Variants in IKBIP observed in about 807,000 individuals in gnomAD.
The protein encoded by IKBIP is IKBKB interacting protein.
IKBIP carries 28 observed loss-of-function variants against 31.0 expected under a neutral mutation model. The observed-to-expected ratio is 0.90, with a 90% CI of 0.67 to 1.24. The LOEUF is 1.24. Among genes scored for constraint, IKBIP ranks in the 50% most tolerant of loss-of-function variants. The pLI is 0.00. For missense variants in IKBIP, 453 were observed against 441.9 expected (o/e 1.03, Z -0.23); for synonymous variants, 164 against 160.3 (o/e 1.02, Z -0.17).
rs2097613752 is a variant in IKBIP at position 98,625,912 on chromosome 12, A to C, written c.*18T>G. 1 of 1,379,690 alleles carries C rather than the reference A, an allele frequency of 7.2e-7. No individual in the cohort carries two copies. 85.5% of individuals were successfully genotyped at this position (1,379,690 alleles called of 1,614,324 possible). ...TTTATGTATAATGATATGGTTCATC[A>C]GAATAAATGTCATGAATTTAAAAAT... On this transcript the variant is annotated 3_prime_UTR_variant, in exon 3 of 3. Coordinates refer to ENST00000299157, the MANE Select transcript of IKBIP (RefSeq NM_153687.4).
At chr12:98,641,148 G>A (rs1488605307) in intron 1 of IKBIP, among the ~76,000 whole-genome samples, 1 of 152,122 alleles carries the variant, frequency 6.6e-6, no homozygotes. Context: ...TTTCCACATA[G>A]GAAATGGTCT....
chr12:98,613,506 CATT>C (rs951198506), exon 3 of IKBIP: 7 of 673,066 alleles, frequency 1.0e-5, no homozygotes, highest in African/African-American at 5.6e-5. Context: ...TCCAAAATAT[CATT>C]ATTTTTGATT....
chr12:98,636,254 C>T (rs1293544113), intron 1 of IKBIP, among the ~76,000 whole-genome samples: 1 of 152,196 alleles, frequency 6.6e-6, no homozygotes, highest in African/African-American at 2.4e-5. Context: ...CTGGGTCTCA[C>T]AAAGATTCTG....
At chr12:98,630,955 G>A (rs1316245099) in intron 2 of IKBIP, among the ~76,000 whole-genome samples, 14 of 151,296 alleles carry the variant, frequency 9.3e-5, no homozygotes, top group Non-Finnish European at 1.5e-4. Flanking sequence ...TTTTTGAGAC[G>A]GAGTTTCGCT....
In IKBIP at chr12:98,644,599, T is replaced by C. The variant is rs1290676546; in HGVS notation, c.103A>G (p.Ser35Gly). ...GGGTCTGCCCAGCCCCCGCCTCCGC[T>C]GCTCCGGGCCACGGGGGTCTTCCCG... The part of the protein sequence containing the change: ...EGGKTPVARS[S>G]GGGGWADPRT... The change falls in exon 1 of 3, where the codon AGC becomes GGC. Residue 35 changes from serine to glycine, a missense_variant. Physicochemically the swap from Ser to Gly is moderately conservative, Grantham distance 56. Transcript: ENST00000299157. 3.7e-6 allele frequency: 6 copies of C among 1,609,962 alleles called. No homozygotes were observed. Among genetic ancestry groups the C allele is most frequent in the Non-Finnish European group, 3.4e-6 (4 of 1,178,766 alleles).
intron 2 of IKBIP, 148 bp from the exon 3 acceptor site, chr12:98,626,914 A>T (rs200235920): frequency 7.8e-6 from 2 of 254,984 alleles, no homozygotes; most frequent in Non-Finnish European, 1.4e-5. Flanking sequence ...TCAGACTGAC[A>T]AAGATATTTA....
intron 2 of IKBIP, among the ~76,000 whole-genome samples, chr12:98,629,542 G>A (rs546956393): frequency 6.6e-5 from 10 of 151,978 alleles, no homozygotes; most frequent in Admixed American, 3.9e-4. Context: ...CTTGGTGACC[G>A]GGCAAGACCC....
downstream of IKBIP, among the ~76,000 whole-genome samples, chr12:98,619,544 A>C (rs2097608426): frequency 1.3e-5 from 2 of 152,316 alleles, no homozygotes; most frequent in Non-Finnish European, 2.9e-5. Context: ...TTATTTTAAA[A>C]ATTACTTCGG....
At chr12:98,622,598 T>C (rs1218009744), downstream of IKBIP, among the ~76,000 whole-genome samples, 2 of 151,848 alleles carry the variant, frequency 1.3e-5, no homozygotes, top group Non-Finnish European at 2.9e-5. Flanking sequence ...ACTGTGCAAA[T>C]ATGGGGTAAG....
intron 1 of IKBIP, among the ~76,000 whole-genome samples, chr12:98,634,710 CTT>C (rs552233683): frequency 4.4e-4 from 58 of 131,800 alleles, no homozygotes; most frequent in Admixed American, 9.3e-4. Context: ...GGTCTTTAGC[CTT>C]TTTTTTTTTT....
chr12:98,626,534 G>C lies in IKBIP; in HGVS notation c.530C>G (p.Ala177Gly). The change falls in exon 3 of 3, where the codon GCA becomes GGA. Residue 177 changes from alanine (A) to glycine (G), a missense_variant. Physicochemically the swap from Ala to Gly is moderately conservative, Grantham distance 60 (BLOSUM62 0). Transcript: ENST00000299157. ...NINTDIFKSE[A>G]KHIHSQVTVQ... The stretch of plus-strand genomic sequence containing the variant: ...AGTTACTTGAGAATGTATATGTTTT[G>C]CTTCTGATTTGAAAATGTCTGTATT... 6.2e-7 allele frequency: 1 copy of C among 1,612,882 alleles called. No homozygotes were observed. Among genetic ancestry groups the C allele is most frequent in the Non-Finnish European group, 8.5e-7 (1 of 1,179,494 alleles).
chr12:98,627,681 G>A (rs150843635), intron 2 of IKBIP, among the ~76,000 whole-genome samples: 4,811 of 152,116 alleles, frequency 0.032, 165 homozygotes, highest in East Asian at 0.13. Flanking sequence ...CTCGTGATCC[G>A]CCCACCTCAG....
rs1378657483 is a variant in IKBIP, at chr12:98,625,536, T to C, written c.*394A>G. 6.9e-5 allele frequency: 11 copies of C among 159,912 alleles called. No individual in the cohort carries two copies. Among genetic ancestry groups the C allele is most frequent in the African/African-American group, 2.2e-4 (9 of 41,576 alleles). 9.9% of individuals were successfully genotyped at this position (159,912 alleles called of 1,614,324 possible). A position where few individuals can be genotyped will look rare whatever the true frequency, so the allele number is the denominator to read the frequency against. On this transcript the variant is annotated 3_prime_UTR_variant, in exon 3 of 3. Transcript: ENST00000299157. ...CAGGTGACAGAAAAGGTATGAGACA[T>C]AGGTTTGAAAATGGCAAATTGGGGT...
chr12:98,629,771 C>T (rs1024384056), intron 2 of IKBIP, among the ~76,000 whole-genome samples: 2 of 152,052 alleles, frequency 1.3e-5, no homozygotes, highest in African/African-American at 4.8e-5. Context: ...AGGTAATGTC[C>T]TGTTTAGGAG....
chr12:98,641,168 G>A (rs187351565), intron 1 of IKBIP, among the ~76,000 whole-genome samples: 34 of 152,310 alleles, frequency 2.2e-4, no homozygotes, highest in Middle Eastern at 6.8e-3. Flanking sequence ...TGAAGACAAT[G>A]ATATAGTGTG....
At chr12:98,630,682 T>C (rs1008149085) in intron 2 of IKBIP, among the ~76,000 whole-genome samples, 1 of 152,148 alleles carries the variant, frequency 6.6e-6, no homozygotes, top group African/African-American at 2.4e-5. Context: ...TTACTGTATA[T>C]CTCATCTGAT....
intron 1 of IKBIP, among the ~76,000 whole-genome samples, chr12:98,638,940 C>A (rs1378232592): frequency 6.6e-6 from 1 of 152,220 alleles, no homozygotes; most frequent in African/African-American, 2.4e-5. Context: ...AGCCACCATG[C>A]CTGGCCGAGT....
chr12:98,643,495 A>G (rs12304057), intron 1 of IKBIP, among the ~76,000 whole-genome samples: 3,921 of 152,284 alleles, frequency 0.026, 153 homozygotes, highest in African/African-American at 0.087. Context: ...CCCGCCAGAA[A>G]AAAAAAGGCT....
At chr12:98,639,041 C>G (rs1213211673) in intron 1 of IKBIP, among the ~76,000 whole-genome samples, 1 of 151,900 alleles carries the variant, frequency 6.6e-6, no homozygotes, top group Non-Finnish European at 1.5e-5. Flanking sequence ...ACTGTGGCCC[C>G]TTTTTTTTCT....
Sources: allele counts gnomAD v4.1 joint callset (sites outside exome capture counted in the v4.1 genomes callset), GRCh38; gene constraint gnomAD v4.1.1; transcripts MANE v1.5; gene names NCBI Gene and HGNC (gene_info 2026-07-23, HGNC 2026-07-21).